AK7: variants seen among roughly 807,000 people sequenced by gnomAD.
The protein encoded by AK7 is adenylate kinase 7.
Under a neutral mutation model 96.6 loss-of-function variants are expected in AK7, and 78 were observed. The ratio of observed to expected loss-of-function variants is 0.81; its 90% CI spans 0.67 to 0.97. The LOEUF is 0.97. Ranked by LOEUF, AK7 falls within the 50% of genes least tolerant of loss-of-function variation. The pLI, the probability that AK7 is intolerant of heterozygous loss-of-function variation, is 0.00. For missense variants in AK7, 855 were observed against 887.9 expected, an observed-to-expected ratio of 0.96 and a Z score of 0.47; for synonymous variants, 302 against 317.2, an observed-to-expected ratio of 0.95 and a Z score of 0.51.
At chr14:96,479,299 G>A (rs940549461) in intron 15 of AK7, among the ~76,000 whole-genome samples, 2 of 151,756 alleles carry the variant, frequency 1.3e-5, no homozygotes, top group African/African-American at 2.4e-5. Context: ...GGATGGTCTC[G>A]ATCTCCTGAC....
intron 1 of AK7, among the ~76,000 whole-genome samples, chr14:96,395,880 T>C (rs532707565): frequency 4.8e-5 from 7 of 144,664 alleles, no homozygotes; most frequent in Non-Finnish European, 9.0e-5. Flanking sequence ...AGCATGATCT[T>C]GGCTCACTGC....
At chr14:96,459,444 T>TG (rs1894134173) in intron 12 of AK7, among the ~76,000 whole-genome samples, 1 of 151,994 alleles carries the variant, frequency 6.6e-6, no homozygotes, top group Non-Finnish European at 1.5e-5. Context: ...ACCAATCAGT[T>TG]GGTTGTCCTT....
intron 5 of AK7, among the ~76,000 whole-genome samples, chr14:96,434,792 G>A (rs897219070): frequency 7.2e-5 from 11 of 152,182 alleles, no homozygotes; most frequent in African/African-American, 2.7e-4. Context: ...GGCTGAGCTA[G>A]CACTCACACC....
chr14:96,483,338 C>T, intron 16 of AK7, 119 bp downstream of exon 16: 1 of 990,760 alleles, frequency 1.0e-6, no homozygotes, highest in South Asian at 1.7e-5. Flanking sequence ...CATGGAAATA[C>T]CCTAAACAAA....
intron 5 of AK7, among the ~76,000 whole-genome samples, chr14:96,432,240 T>C (rs1357086425): frequency 2.2e-5 from 3 of 135,486 alleles, no homozygotes; most frequent in Non-Finnish European, 4.7e-5. Flanking sequence ...ATTTGCTTGG[T>C]AGATCTTCCT....
intron 6 of AK7, among the ~76,000 whole-genome samples, chr14:96,438,439 G>A (rs1892772722): frequency 6.6e-6 from 1 of 152,164 alleles, no homozygotes; most frequent in Non-Finnish European, 1.5e-5. Context: ...CATTTGAGTA[G>A]GAAGGGAAAG....
chr14:96,483,982 C>A (rs1017091749), intron 16 of AK7, among the ~76,000 whole-genome samples: 7 of 152,014 alleles, frequency 4.6e-5, no homozygotes, highest in Admixed American at 2.0e-4. Context: ...GTAATCCCAG[C>A]ACTTTGGGAG....
At chr14:96,487,211 T>TA (rs1895819393) in intron 17 of AK7, among the ~76,000 whole-genome samples, 155 bp downstream of exon 17, 1 of 128,918 alleles carries the variant, frequency 7.8e-6, no homozygotes, top group Non-Finnish European at 1.7e-5. Context: ...CCGTCTCTAC[T>TA]AAAAATACAA....
chr14:96,419,608 T>C (rs1891549423), intron 4 of AK7, among the ~76,000 whole-genome samples: 1 of 152,092 alleles, frequency 6.6e-6, no homozygotes, highest in Non-Finnish European at 1.5e-5. Context: ...CACTCCAGCC[T>C]GGGCAAGAGA....
rs1279653043 is a variant in AK7, at chr14:96,486,282, C to G, written c.1975-616C>G. Among the ~76,000 whole-genome samples, 9 of 152,182 alleles carry G rather than the reference C, an allele frequency of 5.9e-5. No homozygotes were observed. The East Asian group carries it at 1.7e-3, about 29-fold the overall frequency. The stretch of plus-strand genomic sequence containing the variant: ...GAGGCTTCATTCTTAGGTGCACCTA[C>G]CATGCATGGCAGGGCACTTGATGTG... On this transcript the variant is annotated intron_variant, in intron 16 of 17. Transcript: ENST00000267584.
chr14:96,421,524 T>C (rs1891691666), intron 5 of AK7: 1 of 152,138 alleles, frequency 6.6e-6, no homozygotes, highest in East Asian at 1.9e-4. Context: ...CTTTTTTTCT[T>C]TGGAATCCAA....
chr14:96,451,283 C>A, intron 9 of AK7, 138 bp from the exon 10 acceptor site: 2 of 647,844 alleles, frequency 3.1e-6, no homozygotes, highest in Non-Finnish European at 4.7e-6. Flanking sequence ...TCTGTAAATA[C>A]TCAGTGCTGG....
At chr14:96,452,850 A>G (rs1893686333) in intron 10 of AK7, among the ~76,000 whole-genome samples, 1 of 152,164 alleles carries the variant, frequency 6.6e-6, no homozygotes, top group African/African-American at 2.4e-5. Flanking sequence ...CTTAACTAGA[A>G]TGTCCGCATC....
Position 96,487,111 on chromosome 14 carries a change from A to G in AK7, c.2133+55A>G, listed in dbSNP as rs183792738. On this transcript the variant is annotated intron_variant, in intron 17 of 17. Coordinates refer to ENST00000267584, the MANE Select transcript of AK7 (RefSeq NM_152327.5). ...AATTTGAGTTTGGGTGTGGCGGCTT[A>G]CACCTGTAATCCCAGCACTTTGGGA... The G allele has an allele frequency of 1.6e-3, 2,541 of 1,586,260 alleles. 46 individuals are homozygous for G. The African/African-American group carries it at 0.031, about 20-fold the overall frequency.
intron 10 of AK7, among the ~76,000 whole-genome samples, chr14:96,452,508 T>C (rs530138764): frequency 6.6e-6 from 1 of 152,156 alleles, no homozygotes; most frequent in South Asian, 2.1e-4. Flanking sequence ...GTAATTTTAG[T>C]AGAGACGGGG....
chr14:96,446,517 A>C lies in AK7; in HGVS notation c.780A>C (p.Gly260=), dbSNP rs777844238. The C allele has an allele frequency of 6.2e-7, 1 of 1,613,924 alleles. No individual in the cohort carries two copies. Among genetic ancestry groups the C allele is most frequent in the South Asian group, 1.1e-5 (1 of 91,076 alleles). The stretch of plus-strand genomic sequence containing the variant: ...GATTATTTTACCTGTGGGTCTGCAG[A>C]GTGATACAAAACGTCATAGATCACG... ...IPTIHVLDLA[G]VIQNVIDHVP... The change falls in exon 8 of 18, where the codon GGA becomes GGC. Residue 260 remains glycine, a splice_region_variant and synonymous_variant. Transcript: ENST00000267584.
At chr14:96,403,590 T>C (rs1255654549) in intron 2 of AK7, among the ~76,000 whole-genome samples, 1 of 152,168 alleles carries the variant, frequency 6.6e-6, no homozygotes, top group South Asian at 2.1e-4. Context: ...GGCAGAACTG[T>C]CATTTCCTAA....
intron 3 of AK7, among the ~76,000 whole-genome samples, chr14:96,405,916 T>C (rs200125335): frequency 6.6e-6 from 1 of 152,330 alleles, no homozygotes; most frequent in East Asian, 1.9e-4. Flanking sequence ...CCTCTTTTTT[T>C]GTTTTGAGAC....
chr14:96,474,073 G>A (rs891207829), intron 14 of AK7, among the ~76,000 whole-genome samples: 7 of 152,164 alleles, frequency 4.6e-5, no homozygotes, highest in Admixed American at 6.5e-5. Context: ...CAGTTTGCTT[G>A]AGGTAGATAT....
Sources: gnomAD v4.1 joint callset for allele counts (sites outside exome capture counted in the v4.1 genomes callset) on GRCh38, gnomAD v4.1.1 for gene constraint, MANE v1.5 for transcripts, NCBI Gene and HGNC (gene_info 2026-07-23, HGNC 2026-07-21) for gene names.